The following PABIR3 variants were observed in gnomAD, a reference collection of about 807,000 sequenced individuals.
PABIR3 encodes PABIR family member 1.
In PABIR3, 20 loss-of-function variants were observed where a neutral mutation model predicts 23.1. The observed-to-expected ratio is 0.86, with a 90% CI of 0.61 to 1.26. The LOEUF is 1.26. Ranked by LOEUF, PABIR3 falls within the 50% of genes most tolerant of loss-of-function variation. The pLI, the probability that PABIR3 is intolerant of heterozygous loss-of-function variation, is 0.00. For synonymous variants in PABIR3, 69 were observed against 68.5 expected (o/e 1.01, Z -0.04); for missense variants, 189 against 195.4 (o/e 0.97, Z 0.20).
At chrX:134,846,463 GT>G (rs1156347353) in intron 6 of PABIR3, among the ~76,000 whole-genome samples, 1 of 112,127 alleles carries the variant, frequency 8.9e-6, no homozygotes, top group African/African-American at 3.2e-5. Flanking sequence ...TGGTTACCTA[GT>G]TGTGGTAGCT....
In PABIR3 at chrX:134,825,296, GTGTT is replaced by G. The variant is rs201130056; in HGVS notation, c.190-3927_190-3924del. 1.4e-3 allele frequency among the ~76,000 whole-genome samples: 156 copies of G among 112,007 alleles called. 2 individuals are homozygous for G. In the East Asian group the frequency reaches 0.036, roughly 26 times the overall value. On this transcript the variant is annotated intron_variant, in intron 3 of 10. Coordinates refer to ENST00000645433, the MANE Select transcript of PABIR3 (RefSeq NM_001388447.1). ...GTATCATTAAAGGATGTATTCTAGAGTGTTTGATGATGGTAGTAATAATGGTGGT... is the reference window on the plus strand; with the variant it reads ...GTATCATTAAAGGATGTATTCTAGAGTGATGATGGTAGTAATAATGGTGGT...
chrX:134,835,420 T>C (rs1054491639), intron 4 of PABIR3: 6 of 110,948 alleles, frequency 5.4e-5, no homozygotes, highest in African/African-American at 1.3e-4. Flanking sequence ...TGCTTTTAAT[T>C]TTAAATGAAC....
chrX:134,854,937 T>C (rs908847060), downstream of PABIR3: 50 of 112,141 alleles, frequency 4.5e-4, no homozygotes, highest in African/African-American at 1.6e-3. Context: ...TTGTAGTCTT[T>C]TACATTTTTA....
chrX:134,821,699 G>T, intron 3 of PABIR3: 2 of 1,016,407 alleles, frequency 2.0e-6, no homozygotes, highest in Non-Finnish European at 2.5e-6. Context: ...GGCCCACAAA[G>T]TTGCAAGCAT....
At chrX:134,828,039 C>CTATATATATA (rs1174836921) in intron 3 of PABIR3, among the ~76,000 whole-genome samples, 11 of 73,438 alleles carry the variant, frequency 1.5e-4, no homozygotes, top group South Asian at 8.5e-4. Context: ...CTCTCTCTCT[C>CTATATATATA]TCTCTCTCTA....
At chrX:134,842,040 C>T (rs1449501624) in intron 4 of PABIR3, among the ~76,000 whole-genome samples, 1 of 110,505 alleles carries the variant, frequency 9.0e-6, no homozygotes, top group African/African-American at 3.3e-5. Context: ...GGTAAAGTGG[C>T]ATCTCATTGT....
chrX:134,845,403 T>A lies in PABIR3; in HGVS notation c.345+2T>A. On this transcript the variant is annotated splice_donor_variant, in intron 6 of 10. Coordinates refer to ENST00000645433, the MANE Select transcript of PABIR3 (RefSeq NM_001388447.1). LOFTEE classifies it high-confidence loss of function. The stretch of plus-strand genomic sequence containing the variant: ...TCTTGGGAAGAAGGCTTGAAACTGG[T>A]ATGATATTATAACTTCAGTTTTGTA... 1 of 1,188,739 alleles carries A rather than the reference T, an allele frequency of 8.4e-7. No homozygotes were observed.
intron 4 of PABIR3, among the ~76,000 whole-genome samples, chrX:134,830,075 T>A (rs2081698747): frequency 9.0e-6 from 1 of 111,075 alleles, no homozygotes; most frequent in Admixed American, 9.7e-5. Flanking sequence ...AGGGGAGAAA[T>A]TTAGCAATTT....
chrX:134,823,875 GA>G (rs936625048), intron 3 of PABIR3, among the ~76,000 whole-genome samples: 44 of 109,358 alleles, frequency 4.0e-4, no homozygotes, highest in Non-Finnish European at 6.1e-4. Flanking sequence ...AAGTAAAAAA[GA>G]AAAAAAAGTC....
intron 2 of PABIR3, among the ~76,000 whole-genome samples, chrX:134,808,370 A>G (rs376532758): frequency 1.0e-4 from 10 of 95,423 alleles, no homozygotes; most frequent in East Asian, 3.3e-4. Context: ...TTGTATTTTT[A>G]TTTTTTATTT....
At chrX:134,839,424 G>A (rs1246726679) in intron 4 of PABIR3, 20 of 137,167 alleles carry the variant, frequency 1.5e-4, no homozygotes, top group Non-Finnish European at 2.4e-4. Context: ...CCTGGCAACC[G>A]CCCCGTCTGA....
At chrX:134,864,554 A>T in the PABIR3 span, among the ~76,000 whole-genome samples, 6 of 111,764 alleles carry the variant, frequency 5.4e-5, no homozygotes, top group Non-Finnish European at 9.4e-5. Flanking sequence ...TATATATGTA[A>T]TCACACAATA....
At chrX:134,839,904 T>C (rs1443345716) in intron 4 of PABIR3, among the ~76,000 whole-genome samples, 6 of 111,670 alleles carry the variant, frequency 5.4e-5, no homozygotes, top group African/African-American at 1.9e-4. Context: ...ACAATGGCGG[T>C]TTTGTGGAAT....
intron 3 of PABIR3, among the ~76,000 whole-genome samples, chrX:134,827,975 T>C (rs1362205802): frequency 9.4e-6 from 1 of 105,991 alleles, no homozygotes; most frequent in Non-Finnish European, 1.9e-5. Context: ...GGAAAATGTC[T>C]TATTTATCTT....
intron 7 of PABIR3, 30 bp downstream of exon 7, chrX:134,847,505 C>A: frequency 9.8e-7 from 1 of 1,018,546 alleles, no homozygotes; most frequent in South Asian, 2.0e-5. Context: ...AAGTCTATGT[C>A]TCTTGAAATA....
At chrX:134,838,375 G>A (rs948109731) in intron 4 of PABIR3, among the ~76,000 whole-genome samples, 2 of 108,480 alleles carry the variant, frequency 1.8e-5, no homozygotes, top group Admixed American at 9.9e-5. Context: ...GTGCAGTGGC[G>A]CAATCTCGGC....
chrX:134,822,656 C>A, intron 3 of PABIR3: 1 of 747,800 alleles, frequency 1.3e-6, no homozygotes, highest in Non-Finnish European at 1.6e-6. Flanking sequence ...GGAAGTCTTT[C>A]ATCATTATTT....
chrX:134,821,244 TAAA>T (rs34486506), intron 3 of PABIR3: 5,435 of 556,587 alleles, frequency 9.8e-3, no homozygotes, highest in East Asian at 0.017. Context: ...CCAAGCATTG[TAAA>T]AAAAAAAAAA....
chrX:134,864,321 G>A, the PABIR3 span, among the ~76,000 whole-genome samples: 2 of 111,207 alleles, frequency 1.8e-5, no homozygotes, highest in Admixed American at 1.9e-4. Flanking sequence ...CATTGTACCC[G>A]GCCTTATGCA....
Sources: allele counts gnomAD v4.1 joint callset (sites outside exome capture counted in the v4.1 genomes callset), GRCh38; gene constraint gnomAD v4.1.1; transcripts MANE v1.5; gene names NCBI Gene and HGNC (gene_info 2026-07-23, HGNC 2026-07-21).